Variants in CCDC158 observed in about 807,000 individuals in gnomAD.
CCDC158 encodes coiled-coil domain containing 158, also known as coiled-coil domain-containing protein 158.
Under a neutral mutation model 138.6 loss-of-function variants are expected in CCDC158, and 116 were observed. The ratio of observed to expected loss-of-function variants is 0.84; its 90% CI spans 0.72 to 0.98. The LOEUF (loss-of-function observed/expected upper bound fraction) is 0.98, where lower values mean the gene tolerates loss of function less well. CCDC158 is among the 50% of genes least tolerant of loss of function. The pLI, the probability that CCDC158 is intolerant of heterozygous loss-of-function variation, is 0.00. For synonymous variants in CCDC158, 436 were observed against 442.4 expected (o/e 0.99, Z 0.18); for missense variants, 1,265 against 1,306.1 (o/e 0.97, Z 0.48).
At chr4:76,360,879 T>C (rs1413297895) in intron 13 of CCDC158, among the ~76,000 whole-genome samples, 1 of 152,236 alleles carries the variant, frequency 6.6e-6, no homozygotes, top group East Asian at 1.9e-4. Flanking sequence ...TGATTGTGTT[T>C]TGAAATGTAA....
chr4:76,343,594 C>T (rs922474810), intron 18 of CCDC158, among the ~76,000 whole-genome samples: 4 of 152,068 alleles, frequency 2.6e-5, no homozygotes, highest in Admixed American at 2.0e-4. Flanking sequence ...GCAGGCGGAT[C>T]ACTTGAGACC....
At chr4:76,366,010 C>T (rs1011897372) in intron 12 of CCDC158, among the ~76,000 whole-genome samples, 17 of 152,308 alleles carry the variant, frequency 1.1e-4, no homozygotes, top group African/African-American at 4.1e-4. Flanking sequence ...TAGTGCCTCC[C>T]TCATAAGGTT....
At chr4:76,339,690 A>G (rs549307662) in intron 18 of CCDC158, among the ~76,000 whole-genome samples, 48 of 152,258 alleles carry the variant, frequency 3.2e-4, no homozygotes, top group Non-Finnish European at 6.5e-4. Context: ...AGCAGTTGCC[A>G]TGACTGGACA....
chr4:76,345,481 T>C, intron 18 of CCDC158: 1 of 930,942 alleles, frequency 1.1e-6, no homozygotes, highest in Non-Finnish European at 1.8e-6. Flanking sequence ...CCGAAGAGAG[T>C]GGCAGCATTT....
At chr4:76,421,768 C>T (rs1035624630), upstream of CCDC158, 44 of 151,986 alleles carry the variant, frequency 2.9e-4, no homozygotes, top group African/African-American at 1.0e-3. Flanking sequence ...TCTCTGTCCC[C>T]GAATGTTCAA....
At chr4:76,315,871 T>C (rs1219755133) in intron 24 of CCDC158, among the ~76,000 whole-genome samples, 1 of 152,078 alleles carries the variant, frequency 6.6e-6, no homozygotes, top group Non-Finnish European at 1.5e-5. Flanking sequence ...AGAACAATAA[T>C]GATCATTGCA....
intron 18 of CCDC158, among the ~76,000 whole-genome samples, chr4:76,349,999 G>C (rs114752256): frequency 2.7e-3 from 407 of 152,224 alleles, no homozygotes; most frequent in African/African-American, 9.4e-3. Context: ...AATGTTCTTT[G>C]TTGTTGCTTG....
At chr4:76,332,160 T>C (rs2110103920) in intron 20 of CCDC158, among the ~76,000 whole-genome samples, 1 of 152,310 alleles carries the variant, frequency 6.6e-6, no homozygotes, top group South Asian at 2.1e-4. Context: ...AGAAAAAGTC[T>C]TCCATTTTTG....
intron 8 of CCDC158, among the ~76,000 whole-genome samples, chr4:76,379,959 T>G (rs556483908): frequency 6.6e-6 from 1 of 152,270 alleles, no homozygotes; most frequent in East Asian, 1.9e-4. Flanking sequence ...CCCCCTTTCC[T>G]GCTCCGCCAT....
chr4:76,370,175 T>G (rs540062231), intron 10 of CCDC158, among the ~76,000 whole-genome samples: 1 of 152,148 alleles, frequency 6.6e-6, no homozygotes, highest in Non-Finnish European at 1.5e-5. Flanking sequence ...ATATCTACAC[T>G]CAAATGACTT....
intron 18 of CCDC158, 93 bp from the exon 19 acceptor site, chr4:76,334,260 T>C (rs1721268623): frequency 5.5e-6 from 7 of 1,269,792 alleles, no homozygotes; most frequent in East Asian, 2.4e-5. Context: ...ACAGAAATTA[T>C]GGAAAAGCAA....
chr4:76,332,707 G>A (rs1002924590), intron 19 of CCDC158, among the ~76,000 whole-genome samples: 6 of 152,150 alleles, frequency 3.9e-5, no homozygotes, highest in African/African-American at 1.4e-4. Context: ...CTGAGTTTAG[G>A]CTTTAGTGAC....
Position 76,367,674 on chromosome 4 carries a change from A to G in CCDC158, c.1450T>C (p.Leu484=), listed in dbSNP as rs757241277. 8.1e-6 allele frequency: 13 copies of G among 1,613,852 alleles called. No individual in the cohort carries two copies. The East Asian group carries it at 2.9e-4, about 36-fold the overall frequency. The part of the protein sequence containing the change: ...KEMLRKVVEE[L]TAKKMTLESS... ...TCCAGAGTCATTTTCTTGGCTGTCA[A>G]CTCTTCTACTACTTTGCGCAGCATC... Residue 484 remains leucine, a synonymous_variant, in exon 12 of 25, where the codon TTG becomes CTG. Coordinates refer to ENST00000682701, the MANE Select transcript of CCDC158 (RefSeq NM_001394954.1).
chr4:76,405,708 T>C (rs1185029835), intron 2 of CCDC158, among the ~76,000 whole-genome samples: 1 of 151,996 alleles, frequency 6.6e-6, no homozygotes, highest in African/African-American at 2.4e-5. Flanking sequence ...TAAAAGACCA[T>C]TGACTTAAAA....
intron 2 of CCDC158, among the ~76,000 whole-genome samples, chr4:76,407,953 G>T (rs1280702585): frequency 1.3e-5 from 2 of 152,084 alleles, no homozygotes; most frequent in East Asian, 1.9e-4. Context: ...TTCATAACAG[G>T]CTGTTGGAAA....
chr4:76,367,365 C>T lies in CCDC158; in HGVS notation c.1759G>A (p.Ala587Thr). The T allele has an allele frequency of 6.2e-7, 1 of 1,614,232 alleles. No individual in the cohort carries two copies. The highest frequency in any genetic ancestry group is 8.5e-7 in the Non-Finnish European group (1 of 1,180,042). The change falls in exon 12 of 25, where the codon GCT (alanine) becomes ACT (threonine). Residue 587 changes from alanine (A) to threonine (T), a missense_variant. By Grantham distance (58) the Ala-to-Thr change is moderately conservative. Transcript: ENST00000682701. ...AGTTGAGCTTTTTCTACTTGCATAG[C>T]TCCAGCAGTTCGTCCATGCTGGCCC... is the stretch of plus-strand genomic sequence containing the variant. ...LVGQHGRTAG[A>T]MQVEKAQLEK...
intron 3 of CCDC158, among the ~76,000 whole-genome samples, chr4:76,402,612 C>A (rs963509): frequency 0.058 from 6,969 of 119,460 alleles, 373 homozygotes; most frequent in East Asian, 0.3. Flanking sequence ...TAAATTCCAA[C>A]TATTTATTCC....
intron 24 of CCDC158, among the ~76,000 whole-genome samples, chr4:76,315,583 A>G (rs1268167409): frequency 6.6e-6 from 1 of 152,212 alleles, no homozygotes; most frequent in African/African-American, 2.4e-5. Flanking sequence ...AGCTAATTCC[A>G]CTGCCTGCAA....
At chr4:76,413,879 T>A (rs1402766056) in intron 1 of CCDC158, among the ~76,000 whole-genome samples, 1 of 152,250 alleles carries the variant, frequency 6.6e-6, no homozygotes, top group African/African-American at 2.4e-5. Context: ...GCAAGTTTCA[T>A]GCTATTTTGT....
Sources: allele counts gnomAD v4.1 joint callset (sites outside exome capture counted in the v4.1 genomes callset), GRCh38; gene constraint gnomAD v4.1.1; transcripts MANE v1.5; gene names NCBI Gene and HGNC (gene_info 2026-07-23, HGNC 2026-07-21).